OTOGL: variants seen among roughly 807,000 people sequenced by gnomAD.
The protein encoded by OTOGL is otogelin like, also known as otogelin-like protein.
OTOGL carries 285 observed loss-of-function variants against 318.5 expected under a neutral mutation model. That is an observed-to-expected ratio of 0.89 (90% CI 0.81 to 0.99). OTOGL has a LOEUF of 0.99. Ranked by LOEUF, OTOGL falls within the 50% of genes least tolerant of loss-of-function variation. OTOGL has a pLI of 0.00. For missense variants in OTOGL, 2,899 were observed against 2,845.6 expected (o/e 1.02, Z -0.43); for synonymous variants, 987 against 936.5 (o/e 1.05, Z -0.99).
chr12:80,289,904 C>T (rs760172166), intron 26 of OTOGL, among the ~76,000 whole-genome samples: 15 of 151,912 alleles, frequency 9.9e-5, no homozygotes, highest in South Asian at 2.1e-4. Context: ...GAGAAGTGAA[C>T]GGTTTTGTCT....
intron 1 of OTOGL, chr12:80,102,972 C>T (rs942078403): frequency 1.8e-5 from 16 of 897,046 alleles, no homozygotes; most frequent in Middle Eastern, 2.4e-4. Context: ...TTTGGCTTTC[C>T]GTTCAAGGAT....
chr12:80,351,961 A>G (rs571861920), intron 44 of OTOGL, among the ~76,000 whole-genome samples: 5 of 152,302 alleles, frequency 3.3e-5, no homozygotes, highest in East Asian at 1.9e-4. Flanking sequence ...AATTTAATCT[A>G]TAATTTTTCA....
intron 17 of OTOGL, 67 bp from the exon 18 acceptor site, chr12:80,257,758 T>G: frequency 7.7e-7 from 1 of 1,302,394 alleles, no homozygotes; most frequent in Admixed American, 2.7e-5. Flanking sequence ...CCTGGTGGTG[T>G]ACCCTAGCAT....
chr12:80,318,687 C>A lies in OTOGL; in HGVS notation c.3776C>A (p.Pro1259Gln). Residue 1259 changes from proline to glutamine, a missense_variant, in exon 33 of 59, where the codon CCA becomes CAA. By Grantham distance (76) the Pro-to-Gln change is moderately conservative. Transcript: ENST00000547103. ...TSLFFYFMIT[P>Q]GLFKEKVSSL... ...TTATTTTTTTATTTTATGATCACTC[C>A]AGGCCTTTTCAAAGAGAAGGTATCA... 7.5e-7 allele frequency: 1 copy of A among 1,331,380 alleles called. No individual in the cohort carries two copies. The highest frequency in any genetic ancestry group is 9.7e-7 in the Non-Finnish European group (1 of 1,030,272). The allele number at this position is 1,331,380 out of a possible 1,614,324, so 82.5% of individuals were successfully genotyped here.
intron 49 of OTOGL, among the ~76,000 whole-genome samples, chr12:80,357,291 A>G (rs1407554232): frequency 6.6e-6 from 1 of 152,204 alleles, no homozygotes; most frequent in Non-Finnish European, 1.5e-5. Flanking sequence ...CCTGTATATC[A>G]TGTTTGAGGT....
chr12:80,270,396 G>A lies in OTOGL; in HGVS notation c.2518+242G>A, dbSNP rs1196700641. Among the ~76,000 whole-genome samples the A allele has an allele frequency of 3.9e-5, 6 of 152,266 alleles. 1 individual carries two copies. The Middle Eastern group carries it at 0.014, about 345-fold the overall frequency. ...GGGCGGAGCAGGTCAACCCAGGGAT[G>A]CTGCCTAGATGCTGCCTACCACAGG... is the stretch of plus-strand genomic sequence containing the variant. On this transcript the variant is annotated intron_variant, in intron 23 of 58. Coordinates refer to ENST00000547103, the MANE Select transcript of OTOGL (RefSeq NM_001378609.3).
At chr12:80,374,677 G>C (rs1891083004) in intron 57 of OTOGL, among the ~76,000 whole-genome samples, 1 of 151,654 alleles carries the variant, frequency 6.6e-6, no homozygotes, top group African/African-American at 2.4e-5. Flanking sequence ...TCAGATTCTA[G>C]ACTCTTCCTT....
intron 30 of OTOGL, 118 bp downstream of exon 30, chr12:80,310,845 C>A: frequency 1.4e-6 from 1 of 722,796 alleles, no homozygotes; most frequent in Non-Finnish European, 2.2e-6. Context: ...TACCACCTAA[C>A]TATTGTTAGG....
chr12:80,307,380 G>A (rs1170408871), intron 29 of OTOGL, among the ~76,000 whole-genome samples: 7 of 151,584 alleles, frequency 4.6e-5, no homozygotes, highest in Non-Finnish European at 8.8e-5. Context: ...CCCAGTAGGC[G>A]CGGCCGGGCA....
chr12:80,235,328 G>A (rs1272911666), intron 9 of OTOGL, among the ~76,000 whole-genome samples: 1 of 151,970 alleles, frequency 6.6e-6, no homozygotes, highest in African/African-American at 2.4e-5. Context: ...AGCCAGGCGT[G>A]GTGGCAGACA....
chr12:80,225,309 C>T (rs1466765620), intron 7 of OTOGL, among the ~76,000 whole-genome samples: 1 of 151,678 alleles, frequency 6.6e-6, no homozygotes, highest in Non-Finnish European at 1.5e-5. Context: ...TGTTCAGTGT[C>T]CCACTCTTTT....
In OTOGL at chr12:80,257,951, G is replaced by C. The variant is rs761123984; in HGVS notation, c.1838G>C (p.Arg613Thr). 9.4e-6 allele frequency: 15 copies of C among 1,597,830 alleles called. No homozygotes were observed. The highest frequency in any genetic ancestry group is 1.3e-5 in the Non-Finnish European group (15 of 1,179,148). ...YIQLTSAWKR[R>T]TLGLCGTFNG... ...CAGCTTACTAGCGCATGGAAAAGAA[G>C]AACATTAGGTCTGTGTGGCACTTTT... Residue 613 changes from arginine to threonine, a missense_variant, in exon 18 of 59, where the codon AGA (arginine) becomes ACA (threonine). Coordinates refer to ENST00000547103, the MANE Select transcript of OTOGL (RefSeq NM_001378609.3).
chr12:80,268,525 A>G (rs1276702238), intron 22 of OTOGL, among the ~76,000 whole-genome samples: 2 of 151,990 alleles, frequency 1.3e-5, no homozygotes, highest in African/African-American at 2.4e-5. Context: ...CTTTGTCTTT[A>G]TCTCCACCTT....
chr12:80,358,780 C>T lies in OTOGL; in HGVS notation c.6226+5C>T. The T allele has an allele frequency of 6.3e-7, 1 of 1,595,012 alleles. No individual in the cohort carries two copies. Among genetic ancestry groups the T allele is most frequent in the South Asian group, 1.1e-5 (1 of 89,926 alleles). On this transcript the variant is annotated splice_donor_5th_base_variant and intron_variant, in intron 51 of 58. Coordinates refer to ENST00000547103, the MANE Select transcript of OTOGL (RefSeq NM_001378609.3). ...GTTGCCCAACATGGCACTGTGGTAA[C>T]TAATTTTCATATTTTAAGGTTTCAT...
Position 80,302,652 on chromosome 12 carries a change from C to A in OTOGL, c.3082C>A (p.Leu1028Met). The A allele has an allele frequency of 7.3e-7, 1 of 1,376,424 alleles. No homozygotes were observed. Among genetic ancestry groups the A allele is most frequent in the Non-Finnish European group, 9.4e-7 (1 of 1,061,840 alleles). The allele number at this position is 1,376,424 out of a possible 1,614,324, so 85.3% of individuals were successfully genotyped here. Residue 1028 changes from leucine to methionine, a missense_variant, in exon 28 of 59, where the codon CTG becomes ATG. Around this residue, in one of 3 missense-constraint regions of OTOGL, gnomAD observed 2,607 missense variants for 2,524.9 expected, o/e 1.03. Coordinates refer to ENST00000547103, the MANE Select transcript of OTOGL (RefSeq NM_001378609.3). ...TTTTAAGAAACAATCAGGTTTTTTT[C>A]TGGAAAACAAATCTACCTACCAGCT... ...PYKQKQSGFF[L>M]ENKSTYQLWK... is the part of the protein sequence containing the mutation.
chr12:80,111,719 T>G (rs888703292), intron 1 of OTOGL, among the ~76,000 whole-genome samples: 1 of 152,232 alleles, frequency 6.6e-6, no homozygotes, highest in Non-Finnish European at 1.5e-5. Flanking sequence ...TAGGATTGTC[T>G]TGGCTATACA....
intron 11 of OTOGL, among the ~76,000 whole-genome samples, chr12:80,243,143 G>A (rs1366544192): frequency 1.3e-5 from 2 of 151,794 alleles, no homozygotes; most frequent in African/African-American, 2.4e-5. Context: ...CAAATTTCTA[G>A]AACCTAAACA....
chr12:80,202,434 C>G (rs1420052379), intron 1 of OTOGL, among the ~76,000 whole-genome samples: 2 of 151,952 alleles, frequency 1.3e-5, no homozygotes, highest in African/African-American at 4.8e-5. Flanking sequence ...CCACGCCTGG[C>G]TAATTTTTTT....
In OTOGL at chr12:80,238,936, A is replaced by G; in HGVS notation, c.903A>G (p.Ser301=). 6.3e-7 allele frequency: 1 copy of G among 1,597,074 alleles called. No individual in the cohort carries two copies. The highest frequency in any genetic ancestry group is 1.3e-5 in the African/African-American group (1 of 74,990). ...ACACCAAATGTGTACTCACACCCTC[A>G]GATTTTCCAAATCCGTGCTCCAGTG... ...PDDTKCVLTP[S]DFPNPCSSGM... The change falls in exon 10 of 59, where the codon TCA becomes TCG. Residue 301 remains serine (S), a synonymous_variant. Coordinates refer to ENST00000547103, the MANE Select transcript of OTOGL (RefSeq NM_001378609.3).
Sources: allele counts gnomAD v4.1 joint callset (sites outside exome capture counted in the v4.1 genomes callset), GRCh38; gene constraint gnomAD v4.1.1; regional missense constraint gnomAD v4.1.1; transcripts MANE v1.5; gene names NCBI Gene and HGNC (gene_info 2026-07-23, HGNC 2026-07-21).